Variants in ZNF676 observed in about 807,000 individuals in gnomAD.
ZNF676 encodes the protein zinc finger protein 676.
In ZNF676, 4 loss-of-function variants were observed where a neutral mutation model predicts 6.0. The observed-to-expected ratio is 0.67, with a 90% CI of 0.33 to 1.53. The LOEUF is 1.53. Among genes scored for constraint, ZNF676 ranks in the 40% most tolerant of loss-of-function variants. The pLI, the probability that ZNF676 is intolerant of heterozygous loss-of-function variation, is 0.06. For synonymous variants in ZNF676, 198 were observed against 223.1 expected (o/e 0.89, Z 1.00); for missense variants, 644 against 679.7 (o/e 0.95, Z 0.58).
upstream of ZNF676, among the ~76,000 whole-genome samples, chr19:22,215,922 G>A (rs2024182677): frequency 6.6e-6 from 1 of 152,198 alleles, no homozygotes; most frequent in African/African-American, 2.4e-5. Context: ...TGGGCTGAAT[G>A]AAGAAAGAGA....
the ZNF676 span, among the ~76,000 whole-genome samples, chr19:22,258,052 G>A: frequency 6.6e-6 from 1 of 152,140 alleles, no homozygotes; most frequent in African/African-American, 2.4e-5. Flanking sequence ...ACCATGTGAT[G>A]AAATCAGAAA....
intron 2 of ZNF676, among the ~76,000 whole-genome samples, chr19:22,183,613 T>C (rs2023791851): frequency 6.6e-6 from 1 of 152,180 alleles, no homozygotes; most frequent in South Asian, 2.1e-4. Context: ...GTGCTAGGAT[T>C]ATAGGCACGA....
At chr19:22,193,181 A>G (rs1599713801) in intron 1 of ZNF676, 70 bp from the exon 2 acceptor site, 2 of 1,423,904 alleles carry the variant, frequency 1.4e-6, no homozygotes, top group East Asian at 5.0e-5. Context: ...TAATGTGCTC[A>G]GTAAAGAGGA....
chr19:22,224,141 T>C, the ZNF676 span, among the ~76,000 whole-genome samples: 22 of 149,746 alleles, frequency 1.5e-4, no homozygotes, highest in Admixed American at 7.5e-4. Flanking sequence ...CAGTCAAATA[T>C]TGTAGTTATC....
the ZNF676 span, among the ~76,000 whole-genome samples, chr19:22,242,577 A>T: frequency 6.6e-6 from 1 of 151,988 alleles, no homozygotes; most frequent in African/African-American, 2.4e-5. Context: ...GCAGGAGAAA[A>T]GATTCACATA....
chr19:22,235,697 G>A, the ZNF676 span, among the ~76,000 whole-genome samples: 1 of 152,280 alleles, frequency 6.6e-6, no homozygotes, highest in African/African-American at 2.4e-5. Flanking sequence ...CAATGCAATG[G>A]ACAACTGTGA....
In ZNF676 at chr19:22,194,593, G is replaced by A. The variant is rs565988903; in HGVS notation, c.35-1482C>T. ...CAGGACAGAAAGGACCTTACAATGC[G>A]GTGCTCCCCACCCCGAGCAGAAAAA... On this transcript the variant is annotated intron_variant, in intron 1 of 2. Transcript: ENST00000397121. Among the ~76,000 whole-genome samples the A allele has an allele frequency of 4.9e-4, 75 of 152,166 alleles. 1 individual carries two copies. The highest frequency in any genetic ancestry group is 1.5e-3 in the African/African-American group (63 of 41,514).
At chr19:22,249,924 C>T in the ZNF676 span, among the ~76,000 whole-genome samples, 1 of 151,888 alleles carries the variant, frequency 6.6e-6, no homozygotes, top group African/African-American at 2.4e-5. Flanking sequence ...TGGCTCACAC[C>T]TGTAATCCCA....
At chr19:22,259,452 T>C in the ZNF676 span, among the ~76,000 whole-genome samples, 1 of 152,076 alleles carries the variant, frequency 6.6e-6, no homozygotes, top group Non-Finnish European at 1.5e-5. Flanking sequence ...TCACATCATC[T>C]AGGAGGAGAG....
intron 1 of ZNF676, among the ~76,000 whole-genome samples, chr19:22,215,229 T>A (rs1470420230): frequency 1.3e-5 from 2 of 152,142 alleles, no homozygotes. Flanking sequence ...AATTATTTAA[T>A]ATTTTTTCGG....
rs969647091 is a variant in ZNF676 at position 22,179,890 on chromosome 19, A to G, written c.*60T>C. 1 of 1,559,318 alleles carries G rather than the reference A, an allele frequency of 6.4e-7. No individual in the cohort carries two copies. Among genetic ancestry groups the G allele is most frequent in the African/African-American group, 1.4e-5 (1 of 73,336 alleles). On this transcript the variant is annotated 3_prime_UTR_variant, in exon 3 of 3. Transcript: ENST00000397121. ...TTTGTAGATTTTCTCTCCAGTATGA[A>G]TTTTCTTATGTTTACTAGACTGAGA...
At chr19:22,260,142 A>G in the ZNF676 span, among the ~76,000 whole-genome samples, 31 of 152,216 alleles carry the variant, frequency 2.0e-4, no homozygotes, top group African/African-American at 7.5e-4. Context: ...AGATTCCCCA[A>G]AGTCAGAGGC....
At chr19:22,258,918 A>G in the ZNF676 span, among the ~76,000 whole-genome samples, 2 of 152,204 alleles carry the variant, frequency 1.3e-5, no homozygotes, top group East Asian at 3.9e-4. Flanking sequence ...AATTCTGCAC[A>G]TGTTCAGGAG....
At chr19:22,216,653 G>A (rs1599721203), upstream of ZNF676, among the ~76,000 whole-genome samples, 4 of 145,378 alleles carry the variant, frequency 2.8e-5, no homozygotes, top group Admixed American at 2.1e-4. Context: ...GCTGTTTTTT[G>A]AGACGAGTCT....
chr19:22,206,056 AAC>A (rs71180523), intron 1 of ZNF676, among the ~76,000 whole-genome samples: 42,148 of 146,230 alleles, frequency 0.29, 6,379 homozygotes, highest in Non-Finnish European at 0.36. Flanking sequence ...CCCAAAACTC[AAC>A]ACACACACAC....
chr19:22,208,269 A>G (rs972625525), intron 1 of ZNF676, among the ~76,000 whole-genome samples: 5 of 143,932 alleles, frequency 3.5e-5, no homozygotes, highest in Non-Finnish European at 6.1e-5. Context: ...AAACTAACTT[A>G]AAAGAAGACC....
chr19:22,190,914 T>C (rs2023899311), intron 2 of ZNF676, among the ~76,000 whole-genome samples: 2 of 151,692 alleles, frequency 1.3e-5, no homozygotes, highest in Admixed American at 6.6e-5. Context: ...TTCTATGAGA[T>C]AGATAGATAT....
chr19:22,216,351 T>G (rs2024189902), upstream of ZNF676, among the ~76,000 whole-genome samples: 1 of 151,884 alleles, frequency 6.6e-6, no homozygotes, highest in Non-Finnish European at 1.5e-5. Flanking sequence ...AGGAGAATCA[T>G]TTGAACCCGG....
chr19:22,250,773 G>A, the ZNF676 span, among the ~76,000 whole-genome samples: 3 of 151,342 alleles, frequency 2.0e-5, no homozygotes, highest in Non-Finnish European at 4.4e-5. Context: ...GTACAATGGT[G>A]TGATTTCAAC....
Sources: gnomAD v4.1 joint callset for allele counts (sites outside exome capture counted in the v4.1 genomes callset) on GRCh38, gnomAD v4.1.1 for gene constraint, MANE v1.5 for transcripts, NCBI Gene and HGNC (gene_info 2026-07-23, HGNC 2026-07-21) for gene names.